Variants in IL1RAPL1 observed in about 807,000 individuals in gnomAD.
IL1RAPL1 encodes the protein interleukin-1 receptor accessory protein-like 1.
IL1RAPL1 carries 3 observed loss-of-function variants against 48.4 expected under a neutral mutation model. That is an observed-to-expected ratio of 0.06 (90% CI 0.03 to 0.16). The LOEUF is 0.16. Ranked by LOEUF, IL1RAPL1 falls within the 10% of genes least tolerant of loss-of-function variation. IL1RAPL1 has a pLI of 1.00. For synonymous variants in IL1RAPL1, 185 were observed against 187.7 expected (o/e 0.99, Z 0.12); for missense variants, 349 against 530.6 (o/e 0.66, Z 3.36).
intron 1 of IL1RAPL1, among the ~76,000 whole-genome samples, chrX:28,737,201 CTTTCTCTTTCTTTCTT>C (rs1429117785): frequency 1.6e-4 from 10 of 62,741 alleles, no homozygotes; most frequent in African/African-American, 6.6e-4. Context: ...CTCTTTCTTT[CTTTCTCTTTCTTTCTT>C]TCTTTCTTTC....
At chrX:28,631,964 T>A (rs1277671164) in intron 1 of IL1RAPL1, among the ~76,000 whole-genome samples, 1 of 112,593 alleles carries the variant, frequency 8.9e-6, no homozygotes, top group Non-Finnish European at 1.9e-5. Context: ...GAAAGGGGAA[T>A]AACATTATCA....
intron 5 of IL1RAPL1, among the ~76,000 whole-genome samples, chrX:29,478,012 G>A (rs1934996906): frequency 8.9e-6 from 1 of 111,748 alleles, no homozygotes; most frequent in Non-Finnish European, 1.9e-5. Flanking sequence ...TTAAAGATAT[G>A]CAAATTAAAA....
intron 2 of IL1RAPL1, among the ~76,000 whole-genome samples, chrX:28,944,873 A>G (rs1335935968): frequency 9.1e-6 from 1 of 110,158 alleles, no homozygotes; most frequent in Non-Finnish European, 1.9e-5. Context: ...TTCACTGTTA[A>G]TTACCTAATC....
chrX:29,811,208 A>G (rs1483594202), intron 6 of IL1RAPL1, among the ~76,000 whole-genome samples: 1 of 111,008 alleles, frequency 9.0e-6, no homozygotes, highest in Non-Finnish European at 1.9e-5. Context: ...AAGGGTGGAT[A>G]TATTAGCAGA....
intron 5 of IL1RAPL1, among the ~76,000 whole-genome samples, chrX:29,529,039 C>T (rs1203147616): frequency 9.1e-6 from 1 of 110,083 alleles, no homozygotes; most frequent in Non-Finnish European, 1.9e-5. Context: ...AACTGTATAA[C>T]CTGAATTTAG....
chrX:29,355,600 A>C (rs1352223754), intron 3 of IL1RAPL1, among the ~76,000 whole-genome samples: 1 of 112,138 alleles, frequency 8.9e-6, no homozygotes, highest in Non-Finnish European at 1.9e-5. Flanking sequence ...AGTAAAAACG[A>C]GCGTGAGATA....
chrX:28,995,355 G>C (rs926547569), intron 2 of IL1RAPL1, among the ~76,000 whole-genome samples: 14 of 110,717 alleles, frequency 1.3e-4, no homozygotes, highest in African/African-American at 4.6e-4. Context: ...ACAAGGCTTA[G>C]GCATTAAGTA....
intron 2 of IL1RAPL1, among the ~76,000 whole-genome samples, chrX:29,047,321 A>G (rs1336788570): frequency 1.8e-5 from 2 of 111,962 alleles, no homozygotes; most frequent in South Asian, 7.4e-4. Flanking sequence ...ATATCATGCA[A>G]CTGCCACTAT....
intron 2 of IL1RAPL1, among the ~76,000 whole-genome samples, chrX:28,880,710 C>T (rs766479481): frequency 9.0e-6 from 1 of 111,365 alleles, no homozygotes; most frequent in Non-Finnish European, 1.9e-5. Context: ...GAAGAGCATG[C>T]ATTGTCACAT....
At chrX:28,820,421 G>T (rs753762642) in intron 2 of IL1RAPL1, among the ~76,000 whole-genome samples, 1 of 110,933 alleles carries the variant, frequency 9.0e-6, no homozygotes. Context: ...TACCACTTTT[G>T]ATGTTTCTCA....
chrX:29,536,682 A>G (rs1227611805), intron 5 of IL1RAPL1, among the ~76,000 whole-genome samples: 1 of 110,734 alleles, frequency 9.0e-6, no homozygotes, highest in African/African-American at 3.3e-5. Context: ...TGAACTAAGC[A>G]ATTTTGAAAC....
intron 1 of IL1RAPL1, among the ~76,000 whole-genome samples, chrX:28,690,916 ACTG>A (rs1331906478): frequency 9.0e-6 from 1 of 111,308 alleles, no homozygotes; most frequent in East Asian, 2.8e-4. Flanking sequence ...TCTACATTCC[ACTG>A]CTATCACCCT....
At chrX:29,942,619 A>ATT (rs748964603) in intron 9 of IL1RAPL1, among the ~76,000 whole-genome samples, 2 of 102,127 alleles carry the variant, frequency 2.0e-5, no homozygotes, top group Non-Finnish European at 2.0e-5. Context: ...TTTCTTCATC[A>ATT]TTTTTTTTTT....
chrX:28,924,760 A>G (rs1379563290), intron 2 of IL1RAPL1, among the ~76,000 whole-genome samples: 1 of 112,436 alleles, frequency 8.9e-6, no homozygotes, highest in African/African-American at 3.2e-5. Flanking sequence ...ATGGAAATAC[A>G]TGGATTTTCA....
chrX:29,730,520 T>C (rs778388150), intron 6 of IL1RAPL1, among the ~76,000 whole-genome samples: 2 of 112,473 alleles, frequency 1.8e-5, no homozygotes, highest in Non-Finnish European at 3.8e-5. Context: ...ACCTAGAATG[T>C]TCCTGAATTC....
At chrX:29,343,669 G>A (rs985366911) in intron 3 of IL1RAPL1, among the ~76,000 whole-genome samples, 22 of 111,756 alleles carry the variant, frequency 2.0e-4, no homozygotes, top group African/African-American at 6.8e-4. Context: ...TTCAGGAGAA[G>A]GAAACACTCC....
At chrX:29,364,584 G>C (rs975412857) in intron 3 of IL1RAPL1, among the ~76,000 whole-genome samples, 1 of 84,620 alleles carries the variant, frequency 1.2e-5, no homozygotes, top group Non-Finnish European at 2.3e-5. Context: ...AAAAAAAAAA[G>C]AAAAAATATT....
intron 6 of IL1RAPL1, among the ~76,000 whole-genome samples, chrX:29,719,820 T>C (rs1338925930): frequency 2.8e-5 from 3 of 107,375 alleles, no homozygotes; most frequent in Non-Finnish European, 5.7e-5. Context: ...GAGTCCTCAG[T>C]GCAGCCCACT....
intron 2 of IL1RAPL1, among the ~76,000 whole-genome samples, chrX:29,048,190 A>G (rs763283890): frequency 6.2e-5 from 7 of 112,208 alleles, no homozygotes; most frequent in Non-Finnish European, 1.1e-4. Flanking sequence ...AGAATGAATT[A>G]TGTATGTAAT....
Sources: gnomAD v4.1 joint callset for allele counts (sites outside exome capture counted in the v4.1 genomes callset) on GRCh38, gnomAD v4.1.1 for gene constraint, MANE v1.5 for transcripts, NCBI Gene and HGNC (gene_info 2026-07-23, HGNC 2026-07-21) for gene names.